Variants in DMD observed in about 807,000 individuals in gnomAD.
DMD encodes mutant dystrophin.
In DMD, 63 loss-of-function variants were observed where a neutral mutation model predicts 330.1. The observed-to-expected ratio is 0.19, with a 90% confidence interval of 0.16 to 0.24. The LOEUF is 0.24. Among genes scored for constraint, DMD ranks in the 10% least tolerant of loss-of-function variants. The pLI is 1.00. For synonymous variants in DMD, 1,223 were observed against 959.8 expected, an observed-to-expected ratio of 1.27 and a Z score of -5.07; for missense variants, 3,344 against 2,684.1, an observed-to-expected ratio of 1.25 and a Z score of -5.43.
intron 62 of DMD, among the ~76,000 whole-genome samples, chrX:31,266,159 C>CAAAAAAAA (rs1174153877): frequency 0.011 from 145 of 13,309 alleles, 23 homozygotes; most frequent in African/African-American, 0.041. Flanking sequence ...TCCCGAAGGG[C>CAAAAAAAA]AAAAAAAAAA....
chrX:31,516,612 A>G (rs920726309), intron 55 of DMD, among the ~76,000 whole-genome samples: 1 of 111,962 alleles, frequency 8.9e-6, no homozygotes, highest in African/African-American at 3.2e-5. Flanking sequence ...GGTCCACTGC[A>G]TTGCGTTGCA....
rs1569553667 is a variant in DMD, at chrX:32,252,765, TATATATAAATATATATAA to T, written c.6290+34746_6290+34763del. 1.1e-3 allele frequency among the ~76,000 whole-genome samples: 43 copies of T among 38,821 alleles called. 2 individuals carry two copies. The highest frequency in any genetic ancestry group is 2.9e-3 in the Admixed American group (5 of 1,740). The allele number at this position is 38,821 out of a possible 115,157, so 33.7% of individuals were successfully genotyped here. On this transcript the variant is annotated intron_variant, in intron 43 of 78. Transcript: ENST00000357033. ...ATATAAATATATATAAATATATAAA[TATATATAAATATATATAA>T]ATATATATAAATATATATATAAATA...
At chrX:32,655,337 G>A (rs1320466453) in intron 9 of DMD, among the ~76,000 whole-genome samples, 4 of 112,158 alleles carry the variant, frequency 3.6e-5, no homozygotes, top group Non-Finnish European at 7.5e-5. Flanking sequence ...GGTATGTTGT[G>A]TCTTTGTTCT....
intron 1 of DMD, among the ~76,000 whole-genome samples, chrX:33,113,490 C>T (rs191369696): frequency 9.4e-4 from 105 of 111,941 alleles, no homozygotes; most frequent in Admixed American, 3.0e-3. Flanking sequence ...AAATTTCAAA[C>T]GAATAAGAAA....
intron 7 of DMD, among the ~76,000 whole-genome samples, chrX:32,702,476 G>A (rs2147654882): frequency 9.0e-6 from 1 of 111,387 alleles, no homozygotes; most frequent in South Asian, 3.8e-4. Flanking sequence ...AGAGAGTAGA[G>A]TAGTGAAAAC....
At chrX:32,901,612 T>C (rs1303767081) in intron 2 of DMD, among the ~76,000 whole-genome samples, 1 of 111,413 alleles carries the variant, frequency 9.0e-6, no homozygotes, top group Non-Finnish European at 1.9e-5. Context: ...ATATCAGCAT[T>C]ATAAGCAGCT....
intron 9 of DMD, among the ~76,000 whole-genome samples, chrX:32,685,872 T>A (rs2062822573): frequency 8.9e-6 from 1 of 112,107 alleles, no homozygotes; most frequent in South Asian, 3.6e-4. Context: ...GTATTTCTAT[T>A]AAACTTTATA....
chrX:32,045,343 TTTG>T lies in DMD; in HGVS notation c.6439-76832_6439-76830del, dbSNP rs1424649349. 8.2e-3 allele frequency among the ~76,000 whole-genome samples: 848 copies of T among 103,199 alleles called. 12 individuals carry two copies. Among genetic ancestry groups the T allele is most frequent in the African/African-American group, 0.027 (726 of 27,098 alleles). The allele number at this position is 103,199 out of a possible 115,157, so 89.6% of individuals were successfully genotyped here. A position where few individuals can be genotyped will look rare whatever the true frequency, so the allele number is the denominator to read the frequency against. ...GCAGCTGAGTTCTTGAGCGATCTGTTTTGTTTTTTTTTTTTTTAAATGTGTGGC... is the reference window on the plus strand; with the variant it reads ...GCAGCTGAGTTCTTGAGCGATCTGTTTTTTTTTTTTTTTTAAATGTGTGGC... On this transcript the variant is annotated intron_variant, in intron 44 of 78. Coordinates refer to ENST00000357033, the MANE Select transcript of DMD (RefSeq NM_004006.3).
At chrX:32,429,209 CTTT>C (rs781555625) in intron 29 of DMD, among the ~76,000 whole-genome samples, 14 of 75,930 alleles carry the variant, frequency 1.8e-4, no homozygotes, top group Non-Finnish European at 1.7e-4. Context: ...CTTTTCTTTC[CTTT>C]TTTTTTTTTT....
intron 2 of DMD, among the ~76,000 whole-genome samples, chrX:33,010,031 T>TGTGTATATATAC (rs2093642909): frequency 3.2e-5 from 1 of 30,856 alleles, no homozygotes; most frequent in African/African-American, 1.3e-4. Context: ...TGTGTGTACA[T>TGTGTATATATAC]GTGTATATAC....
At chrX:32,406,616 G>C (rs898714498) in intron 30 of DMD, among the ~76,000 whole-genome samples, 15 of 111,123 alleles carry the variant, frequency 1.3e-4, no homozygotes, top group Admixed American at 9.6e-5. Context: ...CTTGGTCATG[G>C]TGCATAAGCT....
At chrX:33,271,978 G>A (rs2053164522) in intron 1 of DMD, among the ~76,000 whole-genome samples, 1 of 109,267 alleles carries the variant, frequency 9.2e-6, no homozygotes, top group Non-Finnish European at 1.9e-5. Flanking sequence ...CTGCCTCCTG[G>A]GTTCAAGCGA....
At chrX:32,247,013 C>G (rs1054700887) in intron 43 of DMD, among the ~76,000 whole-genome samples, 2 of 111,672 alleles carry the variant, frequency 1.8e-5, no homozygotes, top group African/African-American at 6.5e-5. Context: ...ACCAGGATAT[C>G]TAATTTATTT....
At chrX:32,878,152 G>C (rs1242601931) in intron 2 of DMD, among the ~76,000 whole-genome samples, 3 of 111,842 alleles carry the variant, frequency 2.7e-5, no homozygotes, top group Non-Finnish European at 5.6e-5. Flanking sequence ...GAGGAGGGCG[G>C]ATCACGAGGT....
intron 60 of DMD, among the ~76,000 whole-genome samples, chrX:31,440,433 G>C (rs778320448): frequency 3.6e-5 from 4 of 111,903 alleles, no homozygotes; most frequent in African/African-American, 1.3e-4. Flanking sequence ...ACAGGCGTGA[G>C]CCACCACACC....
chrX:32,456,616 G>A (rs867102535), intron 25 of DMD, among the ~76,000 whole-genome samples: 17 of 89,344 alleles, frequency 1.9e-4, no homozygotes, highest in Non-Finnish European at 3.1e-4. Flanking sequence ...GTGTGTGTGT[G>A]TATGTGTGTG....
At chrX:33,256,073 T>A (rs1261698259) in intron 1 of DMD, among the ~76,000 whole-genome samples, 1 of 111,404 alleles carries the variant, frequency 9.0e-6, no homozygotes, top group South Asian at 3.6e-4. Context: ...CAGTTATACT[T>A]TATAATATTT....
chrX:33,228,173 A>G (rs150136071), intron 1 of DMD, among the ~76,000 whole-genome samples: 4,892 of 110,688 alleles, frequency 0.044, 251 homozygotes, highest in African/African-American at 0.15. Flanking sequence ...CATTTTTAAA[A>G]TATTGAAAAT....
chrX:32,424,515 A>T (rs1225485492), intron 29 of DMD, among the ~76,000 whole-genome samples: 2 of 111,910 alleles, frequency 1.8e-5, no homozygotes, highest in Non-Finnish European at 3.8e-5. Context: ...CAGGTGTACA[A>T]ATAACCAAAT....
Sources: gnomAD v4.1 joint callset for allele counts (sites outside exome capture counted in the v4.1 genomes callset) on GRCh38, gnomAD v4.1.1 for gene constraint, MANE v1.5 for transcripts, NCBI Gene and HGNC (gene_info 2026-07-23, HGNC 2026-07-21) for gene names.